Variants in GTSF1 observed in about 807,000 individuals in gnomAD.
GTSF1 encodes the protein gametocyte-specific factor 1.
In GTSF1, 11 loss-of-function variants were observed where a neutral mutation model predicts 28.9. The observed-to-expected ratio is 0.38, with a 90% CI of 0.24 to 0.63. GTSF1 has a LOEUF of 0.63. GTSF1 is among the 30% of genes least tolerant of loss of function. The probability of loss-of-function intolerance (pLI) is 0.56; values close to 1 mark genes in which losing one functional copy is unlikely to be tolerated. For synonymous variants in GTSF1, 69 were observed against 65.6 expected (o/e 1.05, Z -0.25); for missense variants, 146 against 201.0 (o/e 0.73, Z 1.66).
At position 54,463,242 on chromosome 12, in the gene GTSF1, T is replaced by G; in HGVS notation, c.173A>C (p.Gln58Pro). Reference protein sequence around the residue: ...LATCPFNARHQVPRAEISHHI... With the variant: ...LATCPFNARHPVPRAEISHHI... ...ATGACTAATTTCAGCTCGAGGAACCTGGTGGCGAGCATTGAAGGGACAAGT... is the reference window on the plus strand; with the variant it reads ...ATGACTAATTTCAGCTCGAGGAACCGGGTGGCGAGCATTGAAGGGACAAGT... Residue 58 changes from glutamine (Q) to proline (P), a missense_variant, in exon 4 of 9, where the codon CAG becomes CCG. By Grantham distance (76) the Gln-to-Pro change is moderately conservative. Transcript: ENST00000305879. 1.9e-6 allele frequency: 3 copies of G among 1,614,014 alleles called. No homozygotes were observed. The highest frequency in any genetic ancestry group is 2.5e-6 in the Non-Finnish European group (3 of 1,179,854).
chr12:54,470,392 T>C (rs780035514), intron 2 of GTSF1, among the ~76,000 whole-genome samples: 1 of 152,234 alleles, frequency 6.6e-6, no homozygotes, highest in Non-Finnish European at 1.5e-5. Context: ...GTTTGAGAAC[T>C]ACTGTGTTCT....
At chr12:54,457,177 T>C (rs1359559098) in intron 8 of GTSF1, among the ~76,000 whole-genome samples, 1 of 152,234 alleles carries the variant, frequency 6.6e-6, no homozygotes. Context: ...TCTTATCTAA[T>C]CTAATTATTT....
Position 54,460,444 on chromosome 12 carries a change from A to G in GTSF1, c.420T>C (p.His140=). ...NSPASNIVTE[H]KNNLASGMRV... is the part of the protein sequence containing the mutation. ...GCATGCCTGAAGCCAGGTTATTCTTATGTTCTGTAACTATGTTGCTCGCAG... is the reference window on the plus strand; with the variant it reads ...GCATGCCTGAAGCCAGGTTATTCTTGTGTTCTGTAACTATGTTGCTCGCAG... Residue 140 remains histidine (H), a synonymous_variant, in exon 7 of 9, where the codon CAT becomes CAC. Coordinates refer to ENST00000305879, the MANE Select transcript of GTSF1 (RefSeq NM_144594.3). 1 of 1,613,928 alleles carries G rather than the reference A, an allele frequency of 6.2e-7. No individual in the cohort carries two copies. The highest frequency in any genetic ancestry group is 1.1e-5 in the South Asian group (1 of 91,080).
At chr12:54,472,002 C>T (rs1157160348) in intron 1 of GTSF1, 5 of 152,336 alleles carry the variant, frequency 3.3e-5, no homozygotes, top group East Asian at 1.9e-4. Context: ...CTATGAGGTT[C>T]GTGCCATTGC....
intron 2 of GTSF1, among the ~76,000 whole-genome samples, chr12:54,468,028 TA>T (rs1474336077): frequency 6.6e-6 from 1 of 152,142 alleles, no homozygotes; most frequent in Admixed American, 6.5e-5. Context: ...CCCAAAGTGC[TA>T]GGATTACAGG....
intron 2 of GTSF1, chr12:54,468,813 A>T (rs571021551): frequency 1.1e-4 from 17 of 152,268 alleles, no homozygotes; most frequent in African/African-American, 4.1e-4. Flanking sequence ...TGTTTCTCAA[A>T]CTTTAACTTA....
Position 54,460,398 on chromosome 12 carries a change from A to G in GTSF1, c.466T>C (p.Tyr156His). Residue 156 changes from tyrosine (Y) to histidine (H), a missense_variant, in exon 7 of 9, where the codon TAT becomes CAT. By Grantham distance (83) the Tyr-to-His change is moderately conservative (BLOSUM62 2). Coordinates refer to ENST00000305879, the MANE Select transcript of GTSF1 (RefSeq NM_144594.3). ...TTACTGTTTTTCCATGGCAGAACATACGGCAGAGATTTGGGAACTCGCATG... is the reference window on the plus strand; with the variant it reads ...TTACTGTTTTTCCATGGCAGAACATGCGGCAGAGATTTGGGAACTCGCATG... ...SGMRVPKSLP[Y>H]VLPWKNNGNA... 6.2e-7 allele frequency: 1 copy of G among 1,613,424 alleles called. No homozygotes were observed. The highest frequency in any genetic ancestry group is 8.5e-7 in the Non-Finnish European group (1 of 1,179,382).
At chr12:54,460,603 T>C (rs1018387901) in intron 6 of GTSF1, 132 bp from the exon 7 acceptor site, 2 of 634,424 alleles carry the variant, frequency 3.2e-6, no homozygotes, top group African/African-American at 3.7e-5. Flanking sequence ...TGTAAACACA[T>C]TTCCATCAAA....
intron 3 of GTSF1, 100 bp downstream of exon 3, chr12:54,464,967 C>A: frequency 1.5e-6 from 1 of 676,060 alleles, no homozygotes; most frequent in Non-Finnish European, 2.6e-6. Flanking sequence ...CAAAACAATT[C>A]TGGCAATCAA....
chr12:54,458,863 T>G (rs1956376067), intron 8 of GTSF1, among the ~76,000 whole-genome samples: 1 of 150,486 alleles, frequency 6.6e-6, no homozygotes, highest in Non-Finnish European at 1.5e-5. Flanking sequence ...GTACTAATGT[T>G]AGAGAAAACA....
intron 2 of GTSF1, among the ~76,000 whole-genome samples, chr12:54,470,533 C>T (rs1956581555): frequency 6.6e-6 from 1 of 152,266 alleles, no homozygotes; most frequent in South Asian, 2.1e-4. Context: ...TAATGAGATT[C>T]TGAACAAGAC....
At chr12:54,462,807 G>C in intron 4 of GTSF1, 82 bp from the exon 5 acceptor site, 1 of 1,087,714 alleles carries the variant, frequency 9.2e-7, no homozygotes, top group South Asian at 1.3e-5. Flanking sequence ...TTAAAAGGTT[G>C]CAAGGGTAGC....
intron 7 of GTSF1, 61 bp downstream of exon 7, chr12:54,460,316 A>C: frequency 8.1e-7 from 1 of 1,227,288 alleles, no homozygotes; most frequent in Non-Finnish European, 1.2e-6. Context: ...CTGAATAATC[A>C]AGATCAACTG....
rs113694372 is a variant in GTSF1 at position 54,465,634 on chromosome 12, G to A, written c.17-467C>T. On this transcript the variant is annotated intron_variant, in intron 2 of 8. Transcript: ENST00000305879. ...CATCCCCTACCCCCCATTTCCACAG[G>A]CAAGTTGGGGGTAGTAATAGCAAGT... Among the ~76,000 whole-genome samples, 346 of 152,060 alleles carry A rather than the reference G, an allele frequency of 2.3e-3. 1 individual carries two copies. The highest frequency in any genetic ancestry group is 8.1e-3 in the African/African-American group (334 of 41,460).
intron 8 of GTSF1, among the ~76,000 whole-genome samples, chr12:54,456,999 C>T (rs11170910): frequency 0.02 from 3,079 of 152,230 alleles, 48 homozygotes; most frequent in Middle Eastern, 0.031. Context: ...GTAGGAGAAT[C>T]GCTTGAACCC....
intron 3 of GTSF1, among the ~76,000 whole-genome samples, chr12:54,463,591 TTCCCCCATTTATTTC>T (rs1449274737): frequency 6.6e-6 from 1 of 152,212 alleles, no homozygotes; most frequent in Non-Finnish European, 1.5e-5. Flanking sequence ...AACGACATCT[TTCCCCCATTTATTTC>T]TCAGAGTCAC....
intron 4 of GTSF1, 70 bp from the exon 5 acceptor site, chr12:54,462,795 G>C (rs1234527268): frequency 7.9e-7 from 1 of 1,262,450 alleles, no homozygotes; most frequent in African/African-American, 1.5e-5. Context: ...GGGGCTAGTA[G>C]CTTAAAAGGT....
At chr12:54,457,796 T>C (rs1228143190) in intron 8 of GTSF1, among the ~76,000 whole-genome samples, 2 of 152,224 alleles carry the variant, frequency 1.3e-5, no homozygotes, top group African/African-American at 2.4e-5. Context: ...GTATCTCTTT[T>C]CCTTCTGGGA....
At chr12:54,471,741 T>C (rs58308987) in intron 1 of GTSF1, 16,017 of 152,208 alleles carry the variant, frequency 0.11, 1,012 homozygotes, top group African/African-American at 0.17. Flanking sequence ...GCATGAGGGC[T>C]GGGCGTGGTC....
Sources: gnomAD v4.1 joint callset for allele counts (sites outside exome capture counted in the v4.1 genomes callset) on GRCh38, gnomAD v4.1.1 for gene constraint, MANE v1.5 for transcripts, NCBI Gene and HGNC (gene_info 2026-07-23, HGNC 2026-07-21) for gene names.